The following MBD5 variants were observed in gnomAD, a reference collection of about 807,000 sequenced individuals.
MBD5 encodes the protein methyl-CpG-binding domain protein 5.
Under a neutral mutation model 117.3 loss-of-function variants are expected in MBD5, and 13 were observed. That is an observed-to-expected ratio of 0.11 (90% confidence interval 0.07 to 0.18). The LOEUF (loss-of-function observed/expected upper bound fraction) is 0.18, where lower values mean the gene tolerates loss of function less well. Ranked by LOEUF, MBD5 falls within the 10% of genes least tolerant of loss-of-function variation. The probability of loss-of-function intolerance (pLI) is 1.00; values close to 1 mark genes in which losing one functional copy is unlikely to be tolerated. For missense variants in MBD5, 1,879 were observed against 2,093.8 expected (o/e 0.90, Z 2.00); for synonymous variants, 727 against 766.4 (o/e 0.95, Z 0.85).
At chr2:148,368,369 A>G (rs762037778) in intron 4 of MBD5, among the ~76,000 whole-genome samples, 1 of 152,104 alleles carries the variant, frequency 6.6e-6, no homozygotes, top group Non-Finnish European at 1.5e-5. Context: ...AGAAATACCT[A>G]ATGTAGATGA....
intron 1 of MBD5, among the ~76,000 whole-genome samples, chr2:148,095,907 T>A (rs1696057627): frequency 1.3e-5 from 2 of 152,122 alleles, no homozygotes; most frequent in African/African-American, 4.8e-5. Flanking sequence ...AGGTACAATT[T>A]TCTCTTGAAA....
At chr2:148,042,537 A>G (rs1694391475) in intron 1 of MBD5, among the ~76,000 whole-genome samples, 1 of 152,068 alleles carries the variant, frequency 6.6e-6, no homozygotes, top group Admixed American at 6.6e-5. Context: ...TTTAAAATTT[A>G]CCATATCGAG....
chr2:148,477,348 C>T (rs1019679659), intron 8 of MBD5, among the ~76,000 whole-genome samples: 2 of 152,120 alleles, frequency 1.3e-5, no homozygotes, highest in Non-Finnish European at 2.9e-5. Context: ...TCTACCTTCT[C>T]CTAAGTCCTT....
rs886054910 is a variant in MBD5, at chr2:148,470,244, C to T, written c.2301C>T (p.Asn767=). 1 of 1,613,982 alleles carries T rather than the reference C, an allele frequency of 6.2e-7. No individual in the cohort carries two copies. Among genetic ancestry groups the T allele is most frequent in the Non-Finnish European group, 8.5e-7 (1 of 1,179,892 alleles). Residue 767 remains asparagine, a synonymous_variant, in exon 8 of 14, where the codon AAC becomes AAT. Coordinates refer to ENST00000642680, the MANE Select transcript of MBD5 (RefSeq NM_001378120.1). The part of the protein sequence containing the change: ...EAVHCHNANT[N]FVHSNSPVPN... ...TGCACTGCCACAATGCAAACACTAA[C>T]TTTGTTCACAGTAACAGTCCAGTCC...
intron 4 of MBD5, among the ~76,000 whole-genome samples, chr2:148,405,537 A>AAAG (rs10693420): frequency 0.25 from 38,300 of 152,038 alleles, 5,656 homozygotes; most frequent in African/African-American, 0.41. Context: ...CAAGGAACAG[A>AAAG]AAGAACAGGA....
intron 1 of MBD5, among the ~76,000 whole-genome samples, chr2:148,042,185 C>A (rs1478819506): frequency 6.6e-6 from 1 of 152,220 alleles, no homozygotes; most frequent in Non-Finnish European, 1.5e-5. Flanking sequence ...TGTGGAATTT[C>A]TCTTTTATAA....
At chr2:148,310,608 T>C (rs1402353662) in intron 3 of MBD5, among the ~76,000 whole-genome samples, 4 of 152,170 alleles carry the variant, frequency 2.6e-5, no homozygotes, top group Admixed American at 2.6e-4. Context: ...CCTGGATTCA[T>C]TGATTTTTTT....
At chr2:148,217,902 A>G (rs895077739) in intron 2 of MBD5, among the ~76,000 whole-genome samples, 20 of 152,106 alleles carry the variant, frequency 1.3e-4, no homozygotes, top group African/African-American at 4.3e-4. Context: ...CCTTGCCTCC[A>G]TAACTGTTGT....
chr2:148,149,194 G>GT (rs1697563703), intron 1 of MBD5, among the ~76,000 whole-genome samples: 2 of 142,146 alleles, frequency 1.4e-5, no homozygotes, highest in African/African-American at 2.7e-5. Flanking sequence ...GCGGTGTTTG[G>GT]TTTTTTGTTC....
intron 8 of MBD5, chr2:148,471,411 CAAG>C (rs913062656): frequency 6.6e-5 from 10 of 151,900 alleles, no homozygotes; most frequent in Non-Finnish European, 2.9e-5. Context: ...TGAGAAATGA[CAAG>C]GAGGAAATAA....
chr2:148,398,221 A>G (rs1704796498), intron 4 of MBD5, among the ~76,000 whole-genome samples: 1 of 152,222 alleles, frequency 6.6e-6, no homozygotes, highest in Non-Finnish European at 1.5e-5. Flanking sequence ...TCCCTGAGGA[A>G]TCGCCACACT....
chr2:148,213,370 A>G (rs1299364588), intron 2 of MBD5, among the ~76,000 whole-genome samples: 2 of 152,208 alleles, frequency 1.3e-5, no homozygotes, highest in African/African-American at 2.4e-5. Flanking sequence ...TGCATAATAA[A>G]GACATTAAAA....
intron 1 of MBD5, among the ~76,000 whole-genome samples, chr2:148,057,451 AT>A (rs201252271): frequency 6.7e-6 from 1 of 148,328 alleles, no homozygotes; most frequent in African/African-American, 2.5e-5. Flanking sequence ...TTCTATTGTG[AT>A]TTTTTTTTCA....
At chr2:148,244,241 T>C (rs138098570) in intron 3 of MBD5, 84 of 152,232 alleles carry the variant, frequency 5.5e-4, no homozygotes, top group Non-Finnish European at 9.1e-4. Flanking sequence ...TCTTATAAGT[T>C]TGTTGTGAAG....
intron 1 of MBD5, among the ~76,000 whole-genome samples, chr2:148,157,492 C>T (rs1377792329): frequency 6.6e-6 from 1 of 152,128 alleles, no homozygotes; most frequent in Non-Finnish European, 1.5e-5. Flanking sequence ...ACTTCAGAGA[C>T]CTTGAGCAGT....
intron 3 of MBD5, among the ~76,000 whole-genome samples, chr2:148,282,897 C>T (rs1559004361): frequency 7.6e-6 from 1 of 131,456 alleles, no homozygotes; most frequent in East Asian, 2.3e-4. Context: ...TAAGACTTAA[C>T]CGCCCCCCCC....
chr2:148,197,969 C>G (rs1382628856), intron 2 of MBD5, among the ~76,000 whole-genome samples: 4 of 151,756 alleles, frequency 2.6e-5, no homozygotes, highest in Non-Finnish European at 4.4e-5. Context: ...GACCCACCAC[C>G]ATGCCCAGCT....
intron 3 of MBD5, among the ~76,000 whole-genome samples, chr2:148,337,641 T>C (rs980988690): frequency 6.6e-6 from 1 of 151,974 alleles, no homozygotes; most frequent in Non-Finnish European, 1.5e-5. Flanking sequence ...ACTCCCTTTT[T>C]ATATCTTTAA....
intron 2 of MBD5, among the ~76,000 whole-genome samples, chr2:148,192,647 A>G (rs1698862327): frequency 7.4e-6 from 1 of 134,242 alleles, no homozygotes. Context: ...CCCACAGCCA[A>G]TATCATTCTG....
Sources: allele counts gnomAD v4.1 joint callset (sites outside exome capture counted in the v4.1 genomes callset), GRCh38; gene constraint gnomAD v4.1.1; transcripts MANE v1.5; gene names NCBI Gene and HGNC (gene_info 2026-07-23, HGNC 2026-07-21).